DLG5: variants seen among roughly 807,000 people sequenced by gnomAD.
DLG5 encodes the protein discs large MAGUK scaffold protein 5, also known as disks large homolog 5.
A neutral mutation model predicts 189.8 loss-of-function variants in DLG5; 48 were observed. That is an observed-to-expected ratio of 0.25 (90% confidence interval 0.20 to 0.32). DLG5 has a LOEUF of 0.32. Among genes scored for constraint, DLG5 ranks in the 10% least tolerant of loss-of-function variants. The pLI, the probability that DLG5 is intolerant of heterozygous loss-of-function variation, is 1.00. For synonymous variants in DLG5, 1,016 were observed against 1,054.1 expected (o/e 0.96, Z 0.70); for missense variants, 2,160 against 2,544.7 (o/e 0.85, Z 3.25).
intron 1 of DLG5, among the ~76,000 whole-genome samples, chr10:77,872,884 G>A (rs1055398827): frequency 3.3e-5 from 5 of 152,014 alleles, no homozygotes; most frequent in African/African-American, 1.2e-4. Context: ...AGGTTCTCCT[G>A]AAGGCACCTC....
intron 17 of DLG5, among the ~76,000 whole-genome samples, chr10:77,818,614 G>C (rs1842180667): frequency 6.6e-6 from 1 of 152,144 alleles, no homozygotes; most frequent in African/African-American, 2.4e-5. Context: ...CCCAGGTCTT[G>C]TGCAGCTGGC....
chr10:77,853,239 A>G, intron 5 of DLG5, 115 bp downstream of exon 5: 1 of 1,001,290 alleles, frequency 1.0e-6, no homozygotes, highest in Non-Finnish European at 1.3e-6. Flanking sequence ...AAGCGCTGGG[A>G]TCACAGATGT....
At chr10:77,902,362 C>T (rs1270548143) in intron 1 of DLG5, among the ~76,000 whole-genome samples, 4 of 152,146 alleles carry the variant, frequency 2.6e-5, no homozygotes, top group Admixed American at 6.5e-5. Context: ...TATCAACAGC[C>T]GTTCAAAGTC....
intron 2 of DLG5, among the ~76,000 whole-genome samples, chr10:77,859,433 C>T (rs1844385298): frequency 6.6e-6 from 1 of 152,224 alleles, no homozygotes; most frequent in Non-Finnish European, 1.5e-5. Context: ...GTCCTGCAAG[C>T]TCCATTCATG....
chr10:77,861,387 A>G (rs998215658), intron 2 of DLG5, among the ~76,000 whole-genome samples: 2 of 152,218 alleles, frequency 1.3e-5, no homozygotes, highest in African/African-American at 4.8e-5. Flanking sequence ...GAGACAAGAA[A>G]TTTTGAATTT....
At chr10:77,860,741 A>G (rs2154576864) in intron 2 of DLG5, among the ~76,000 whole-genome samples, 1 of 152,346 alleles carries the variant, frequency 6.6e-6, no homozygotes, top group Middle Eastern at 3.4e-3. Context: ...TCACAGAGCT[A>G]TGGAATATGG....
chr10:77,873,992 C>G (rs563870316), intron 1 of DLG5, among the ~76,000 whole-genome samples: 1 of 152,368 alleles, frequency 6.6e-6, no homozygotes, highest in Non-Finnish European at 1.5e-5. Context: ...TCCTCCAGCT[C>G]ACACTGAGGA....
At position 77,821,127 on chromosome 10, in the gene DLG5, A is replaced by G. The variant is rs1393603525; in HGVS notation, c.3357T>C (p.Phe1119=). 1 of 1,613,974 alleles carries G rather than the reference A, an allele frequency of 6.2e-7. No individual in the cohort carries two copies. The highest frequency in any genetic ancestry group is 1.3e-5 in the African/African-American group (1 of 74,936). Reference sequence around the variant, plus strand: ...TCACTACTGGAGCAAGCTTCGGCCGAAAACTGGGAGCAGATTTTGGCCGGC... The same window carrying G: ...TCACTACTGGAGCAAGCTTCGGCCGGAAACTGGGAGCAGATTTTGGCCGGC... ...KRRRPKSAPS[F]RPKLAPVVIP... is the part of the protein sequence containing the mutation. The change falls in exon 15 of 32, where the codon TTT becomes TTC. Residue 1119 remains phenylalanine (F), a synonymous_variant. Coordinates refer to ENST00000372391, the MANE Select transcript of DLG5 (RefSeq NM_004747.4).
chr10:77,933,567 TACAGGGGTG>T, the DLG5 span, among the ~76,000 whole-genome samples: 2 of 152,110 alleles, frequency 1.3e-5, no homozygotes, highest in Non-Finnish European at 2.9e-5. Context: ...GTGCTAAGAT[TACAGGGGTG>T]AGCCACGGTG....
intron 15 of DLG5, chr10:77,820,857 C>T (rs1216001965): frequency 3.6e-6 from 2 of 560,418 alleles, no homozygotes; most frequent in African/African-American, 3.7e-5. Context: ...ATGCTATGCC[C>T]AATAAAGTGT....
intron 1 of DLG5, among the ~76,000 whole-genome samples, chr10:77,876,705 G>GT (rs1845103054): frequency 1.3e-5 from 1 of 79,058 alleles, no homozygotes; most frequent in Non-Finnish European, 2.8e-5. Context: ...AAGGAAGGAA[G>GT]GAAGGGAGGG....
intron 6 of DLG5, among the ~76,000 whole-genome samples, chr10:77,842,829 C>A (rs59729879): frequency 6.6e-6 from 1 of 152,180 alleles, no homozygotes; most frequent in Non-Finnish European, 1.5e-5. Flanking sequence ...GTCTACTGCA[C>A]AACACCACGC....
intron 1 of DLG5, among the ~76,000 whole-genome samples, chr10:77,925,402 C>G (rs1846654309): frequency 1.3e-5 from 2 of 152,194 alleles, no homozygotes; most frequent in Admixed American, 1.3e-4. Context: ...ACTCCACGGC[C>G]AGGCCAGGAC....
rs1371585310 is a variant in DLG5 at position 77,792,298 on chromosome 10, G to A, written c.*142C>T. On this transcript the variant is annotated 3_prime_UTR_variant, in exon 32 of 32. Transcript: ENST00000372391. ...CAGCCGTGGCCCTCTGTCTACAAAG[G>A]AGGTGCTTCTGGGTCCTGGTTCCGG... is the stretch of plus-strand genomic sequence containing the variant. The A allele has an allele frequency of 6.2e-6, 5 of 802,352 alleles. No homozygotes were observed. In the African/African-American group the frequency reaches 6.8e-5, roughly 11 times the overall value. The allele number at this position is 802,352 out of a possible 1,614,324, so 49.7% of individuals were successfully genotyped here.
chr10:77,880,563 C>T (rs1253053390), intron 1 of DLG5, among the ~76,000 whole-genome samples: 2 of 152,158 alleles, frequency 1.3e-5, no homozygotes, highest in East Asian at 3.9e-4. Context: ...GAAGGTAAGA[C>T]AGACACACAA....
intron 1 of DLG5, among the ~76,000 whole-genome samples, chr10:77,903,794 G>A (rs1250817739): frequency 1.3e-5 from 2 of 152,118 alleles, no homozygotes; most frequent in Non-Finnish European, 2.9e-5. Context: ...AAATACTTCT[G>A]GTCCTAAGTA....
chr10:77,855,678 C>G (rs1480457202), intron 3 of DLG5, among the ~76,000 whole-genome samples: 1 of 152,186 alleles, frequency 6.6e-6, no homozygotes, highest in Non-Finnish European at 1.5e-5. Flanking sequence ...TGCCTTCGGG[C>G]CAACTGACTG....
intron 4 of DLG5, among the ~76,000 whole-genome samples, 174 bp downstream of exon 4, chr10:77,854,053 A>G (rs111360721): frequency 6.6e-6 from 1 of 152,260 alleles, no homozygotes; most frequent in Non-Finnish European, 1.5e-5. Flanking sequence ...CTTGTTTTAC[A>G]CTTAGGAAAA....
At position 77,821,280 on chromosome 10, in the gene DLG5, C is replaced by T. The variant is rs758175273; in HGVS notation, c.3204G>A (p.Lys1068=). The change falls in exon 15 of 32, where the codon AAG becomes AAA. Residue 1068 remains lysine, a synonymous_variant. Coordinates refer to ENST00000372391, the MANE Select transcript of DLG5 (RefSeq NM_004747.4). ...GEPMHASPPR[K]ARVRIASSYY... ...AGCTGGAAGCAATGCGGACCCTGGC[C>T]TTGCGAGGGGGTGATGCGTGCATGG... The T allele has an allele frequency of 6.2e-7, 1 of 1,613,768 alleles. No homozygotes were observed. Among genetic ancestry groups the T allele is most frequent in the East Asian group, 2.2e-5 (1 of 44,874 alleles).
Sources: gnomAD v4.1 joint callset for allele counts (sites outside exome capture counted in the v4.1 genomes callset) on GRCh38, gnomAD v4.1.1 for gene constraint, MANE v1.5 for transcripts, NCBI Gene and HGNC (gene_info 2026-07-23, HGNC 2026-07-21) for gene names.